Variants in RYR2 observed in about 807,000 individuals in gnomAD.
RYR2 encodes cardiac muscle ryanodine receptor-calcium release channel.
Under a neutral mutation model 601.1 loss-of-function variants are expected in RYR2, and 227 were observed. The ratio of observed to expected loss-of-function variants is 0.38; its 90% CI spans 0.34 to 0.42. The LOEUF (loss-of-function observed/expected upper bound fraction) is 0.42. RYR2 is among the 10% of genes least tolerant of loss of function. The pLI is 1.00. For synonymous variants in RYR2, 2,223 were observed against 2,175.1 expected, an observed-to-expected ratio of 1.02 and a Z score of -0.61; for missense variants, 4,646 against 6,156.5, an observed-to-expected ratio of 0.75 and a Z score of 8.21.
At chr1:237,565,145 CTTTCTTTCTTTCTCTTTCTTTCTTTCTT>C (rs1559035280) in intron 27 of RYR2, among the ~76,000 whole-genome samples, 2 of 135,702 alleles carry the variant, frequency 1.5e-5, no homozygotes, top group African/African-American at 5.6e-5. Flanking sequence ...CTTTCTTTTT[CTTTCTTTCTTTCTCTTTCTTTCTTTCTT>C]TCTTTCTTTC....
intron 2 of RYR2, among the ~76,000 whole-genome samples, chr1:237,323,048 A>G (rs1421632171): frequency 6.6e-6 from 1 of 152,158 alleles, no homozygotes; most frequent in Admixed American, 6.5e-5. Context: ...GTAAGACTCC[A>G]TAACTCTTCA....
Position 237,370,626 on chromosome 1 carries a change from T to C in RYR2, c.384+1018T>C, listed in dbSNP as rs1488781224. On this transcript the variant is annotated intron_variant, in intron 6 of 104. Coordinates refer to ENST00000366574, the MANE Select transcript of RYR2 (RefSeq NM_001035.3). ...GTGTTGTTCAAGGGTCAACTGTATA[T>C]AAAATATGTTAAAAATATGCAAAAG... Among the ~76,000 whole-genome samples, 4 of 151,434 alleles carry C rather than the reference T, an allele frequency of 2.6e-5. 1 individual carries two copies. The South Asian group carries it at 8.3e-4, about 31-fold the overall frequency.
At chr1:237,624,474 T>C (rs1430360376) in intron 39 of RYR2, among the ~76,000 whole-genome samples, 2 of 152,194 alleles carry the variant, frequency 1.3e-5, no homozygotes, top group African/African-American at 2.4e-5. Context: ...TCATATTGCA[T>C]AGATAAAATA....
intron 80 of RYR2, 90 bp downstream of exon 80, chr1:237,742,439 G>A (rs1691698847): frequency 1.0e-6 from 1 of 975,750 alleles, no homozygotes; most frequent in African/African-American, 1.6e-5. Context: ...CTTGCTTCAT[G>A]GCTTATTGCA....
At position 237,663,612 on chromosome 1, in the gene RYR2, A is replaced by G. The variant is rs74580364; in HGVS notation, c.8436+2665A>G. On this transcript the variant is annotated intron_variant, in intron 56 of 104. Transcript: ENST00000366574. ...TGTATGCTGCAGTTTTCTCATTTTTAAAATGAAGCTGGTATGAGCATCGGC... is the reference window on the plus strand; with the variant it reads ...TGTATGCTGCAGTTTTCTCATTTTTGAAATGAAGCTGGTATGAGCATCGGC... Among the ~76,000 whole-genome samples, 1,205 of 152,316 alleles carry G rather than the reference A, an allele frequency of 7.9e-3. 11 individuals are homozygous for G. Among genetic ancestry groups the G allele is most frequent in the African/African-American group, 0.024 (984 of 41,558 alleles).
At chr1:237,653,935 G>A (rs985079000) in intron 51 of RYR2, among the ~76,000 whole-genome samples, 16 of 152,150 alleles carry the variant, frequency 1.1e-4, no homozygotes, top group South Asian at 2.1e-4. Context: ...TATCCTAGCC[G>A]TGCTGGCAGC....
Position 237,106,510 on chromosome 1 carries a change from G to A in RYR2, c.48+63941G>A, listed in dbSNP as rs916059920. Reference sequence around the variant, plus strand: ...CTAAGATGGAGCGGTCCTGGAAAGAGTGAAGATCAAGAGTTTCATTCTGGA... The same window carrying A: ...CTAAGATGGAGCGGTCCTGGAAAGAATGAAGATCAAGAGTTTCATTCTGGA... On this transcript the variant is annotated intron_variant, in intron 1 of 104. Transcript: ENST00000366574. The surrounding 1 kb of genome is among the most constrained non-coding windows in gnomAD (Gnocchi z 4.4). Among the ~76,000 whole-genome samples, 3 of 152,188 alleles carry A rather than the reference G, an allele frequency of 2.0e-5. No homozygotes were observed. Among genetic ancestry groups the A allele is most frequent in the Admixed American group, 1.3e-4 (2 of 15,284 alleles).
At position 237,633,594 on chromosome 1, in the gene RYR2, A is replaced by G; in HGVS notation, c.6572A>G (p.Lys2191Arg). The change falls in exon 43 of 105, where the codon AAG (lysine) becomes AGG (arginine). Residue 2191 changes from lysine to arginine, a missense_variant. This residue lies in a region of RYR2 where 137 missense variants were observed against 273.6 expected (regional missense o/e 0.50). Transcript: ENST00000366574. The part of the protein sequence containing the change: ...GGESKEITFP[K>R]MVANCCRFLC... ...TATCTGTAGGAAATCACCTTTCCCA[A>G]GATGGTGGCCAACTGTTGCCGTTTT... 6.2e-7 allele frequency: 1 copy of G among 1,613,982 alleles called. No individual in the cohort carries two copies. Among genetic ancestry groups the G allele is most frequent in the Non-Finnish European group, 8.5e-7 (1 of 1,179,860 alleles).
At chr1:237,561,630 A>G (rs1278065628) in intron 27 of RYR2, among the ~76,000 whole-genome samples, 1 of 152,170 alleles carries the variant, frequency 6.6e-6, no homozygotes, top group East Asian at 1.9e-4. Context: ...ATGGGCAGAG[A>G]GAACAGACAT....
At chr1:237,133,950 A>T (rs1190088616) in intron 1 of RYR2, among the ~76,000 whole-genome samples, 1 of 146,456 alleles carries the variant, frequency 6.8e-6, no homozygotes, top group African/African-American at 2.5e-5. Flanking sequence ...ACCAAGTGGG[A>T]GTCATCCCTT....
intron 10 of RYR2, among the ~76,000 whole-genome samples, chr1:237,395,121 G>T (rs1702707462): frequency 6.6e-6 from 1 of 152,070 alleles, no homozygotes; most frequent in Non-Finnish European, 1.5e-5. Context: ...GTTTGGGCGG[G>T]GACACAAATC....
chr1:237,051,997 A>G (rs1661342039), intron 1 of RYR2, among the ~76,000 whole-genome samples: 1 of 152,230 alleles, frequency 6.6e-6, no homozygotes, highest in Admixed American at 6.5e-5. Flanking sequence ...GCCACATCAT[A>G]GGTCCTGTGT....
In RYR2 at chr1:237,120,554, G is replaced by A. The variant is rs73117621; in HGVS notation, c.48+77985G>A. On this transcript the variant is annotated intron_variant, in intron 1 of 104. Transcript: ENST00000366574. ...CAAGATGGGTATGATCTTGGTTTCCGTCCAGCTCTTCCACTAAGTAGCTTT... is the reference window on the plus strand; with the variant it reads ...CAAGATGGGTATGATCTTGGTTTCCATCCAGCTCTTCCACTAAGTAGCTTT... Among the ~76,000 whole-genome samples the A allele has an allele frequency of 6.3e-3, 959 of 152,250 alleles. 5 individuals carry two copies. The highest frequency in any genetic ancestry group is 0.021 in the African/African-American group (878 of 41,538).
intron 94 of RYR2, 123 bp from the exon 95 acceptor site, chr1:237,793,743 AT>A (rs1358819668): frequency 2.7e-6 from 2 of 747,702 alleles, no homozygotes; most frequent in East Asian, 5.6e-5. Context: ...TTTTCATTCC[AT>A]TTTTACCTTC....
At chr1:237,742,223 T>C (rs1379935470) in intron 79 of RYR2, 73 bp from the exon 80 acceptor site, 1 of 943,740 alleles carries the variant, frequency 1.1e-6, no homozygotes, top group Non-Finnish European at 1.6e-6. Context: ...CTCTTCTATG[T>C]CTAATGTTCT....
intron 2 of RYR2, among the ~76,000 whole-genome samples, chr1:237,283,473 A>G (rs1691118876): frequency 1.3e-5 from 2 of 152,204 alleles, no homozygotes; most frequent in South Asian, 4.1e-4. Context: ...ACAGCCTCTC[A>G]GTCATCTTGT....
At chr1:237,744,272 G>A (rs1160441909) in intron 80 of RYR2, among the ~76,000 whole-genome samples, 1 of 151,286 alleles carries the variant, frequency 6.6e-6, no homozygotes, top group African/African-American at 2.4e-5. Flanking sequence ...TTTTCATAAG[G>A]CTATATGGTA....
intron 1 of RYR2, among the ~76,000 whole-genome samples, chr1:237,117,679 TCTCTTCTC>T (rs1232761002): frequency 2.4e-5 from 1 of 41,956 alleles, no homozygotes; most frequent in African/African-American, 1.1e-4. Context: ...TTCCTTCTCT[TCTCTTCTC>T]TTCTCTTCTC....
rs556096075 is a variant in RYR2 at position 237,317,447 on chromosome 1, T to C, written c.169-13431T>C. ...ACATAATTTATTTTCTTACTGATGC[T>C]ATTATGAGTGTTCTTGTTTTTCTAA... On this transcript the variant is annotated intron_variant, in intron 2 of 104. Transcript: ENST00000366574. Among the ~76,000 whole-genome samples, 144 of 152,336 alleles carry C rather than the reference T, an allele frequency of 9.5e-4. No individual in the cohort carries two copies. The South Asian group carries it at 0.011, about 12-fold the overall frequency.
Sources: allele counts gnomAD v4.1 joint callset (sites outside exome capture counted in the v4.1 genomes callset), GRCh38; gene constraint gnomAD v4.1.1; regional missense constraint gnomAD v4.1.1; non-coding constraint Gnocchi (gnomAD v3.1); transcripts MANE v1.5; gene names NCBI Gene and HGNC (gene_info 2026-07-23, HGNC 2026-07-21).